Variants in MAPK6 observed in about 807,000 individuals in gnomAD.
MAPK6 encodes the protein mitogen-activated protein kinase 6.
A neutral mutation model predicts 59.3 loss-of-function variants in MAPK6; 19 were observed. That is an observed-to-expected ratio of 0.32 (90% CI 0.22 to 0.47). The LOEUF (loss-of-function observed/expected upper bound fraction) is 0.47, where lower values mean the gene tolerates loss of function less well. MAPK6 is among the 20% of genes least tolerant of loss of function. MAPK6 has a pLI of 1.00. For synonymous variants in MAPK6, 316 were observed against 290.3 expected (o/e 1.09, Z -0.90); for missense variants, 724 against 847.9 (o/e 0.85, Z 1.81).
chr15:52,004,796 C>T (rs1595964480), intron 3 of MAPK6, among the ~76,000 whole-genome samples: 1 of 152,156 alleles, frequency 6.6e-6, no homozygotes, highest in South Asian at 2.1e-4. Context: ...CTAAACACCT[C>T]CAATTAGGCC....
At chr15:51,978,154 A>G (rs1595955773) in intron 1 of MAPK6, among the ~76,000 whole-genome samples, 1 of 150,894 alleles carries the variant, frequency 6.6e-6, no homozygotes, top group African/African-American at 2.4e-5. Context: ...TTTTTTTGTA[A>G]CAGAGTCCTG....
intron 3 of MAPK6, among the ~76,000 whole-genome samples, chr15:52,008,697 T>C (rs2029975997): frequency 6.6e-6 from 1 of 152,152 alleles, no homozygotes; most frequent in Admixed American, 6.5e-5. Context: ...TGGGGTCCTT[T>C]TGCACGCAGG....
intron 1 of MAPK6, among the ~76,000 whole-genome samples, chr15:52,029,372 C>T (rs1282354168): frequency 6.6e-6 from 1 of 152,028 alleles, no homozygotes; most frequent in Non-Finnish European, 1.5e-5. Flanking sequence ...TATTGGCATA[C>T]CTAAGACAGG....
chr15:52,010,524 T>C (rs1479975627), intron 3 of MAPK6, among the ~76,000 whole-genome samples: 1 of 147,834 alleles, frequency 6.8e-6, no homozygotes, highest in Non-Finnish European at 1.5e-5. Context: ...CTTTTTTTTT[T>C]TTTTTTTTTT....
intron 2 of MAPK6, among the ~76,000 whole-genome samples, chr15:52,002,769 G>A (rs928775414): frequency 1.6e-4 from 25 of 152,178 alleles, no homozygotes; most frequent in Non-Finnish European, 2.6e-4. Context: ...CAACAGTTCC[G>A]CATGGCTGGG....
intron 2 of MAPK6, among the ~76,000 whole-genome samples, chr15:51,985,030 G>A (rs374848593): frequency 9.2e-5 from 14 of 152,190 alleles, no homozygotes; most frequent in Non-Finnish European, 1.8e-4. Flanking sequence ...ACTGTTCAAA[G>A]TCATGGGAAG....
chr15:52,032,963 G>T (rs1166756372), intron 1 of MAPK6, among the ~76,000 whole-genome samples: 1 of 152,186 alleles, frequency 6.6e-6, no homozygotes, highest in Non-Finnish European at 1.5e-5. Flanking sequence ...GGGGTTACAG[G>T]CGTGAGCCAC....
intron 2 of MAPK6, among the ~76,000 whole-genome samples, chr15:51,999,614 T>A (rs978628705): frequency 6.6e-6 from 1 of 152,122 alleles, no homozygotes; most frequent in Non-Finnish European, 1.5e-5. Flanking sequence ...GTTTCCTTTT[T>A]ATTTTAGTTT....
intron 1 of MAPK6, among the ~76,000 whole-genome samples, chr15:52,022,971 G>A (rs2030594274): frequency 6.6e-6 from 1 of 151,978 alleles, no homozygotes; most frequent in Non-Finnish European, 1.5e-5. Flanking sequence ...GCTGGGTGTG[G>A]TGGCACGTGC....
At chr15:51,995,335 A>G (rs543819895) in intron 2 of MAPK6, among the ~76,000 whole-genome samples, 1 of 152,294 alleles carries the variant, frequency 6.6e-6, no homozygotes, top group South Asian at 2.1e-4. Context: ...CCAAAAGGGC[A>G]TGAGCTTGGG....
At chr15:52,013,944 C>A (rs779692454) in intron 3 of MAPK6, among the ~76,000 whole-genome samples, 30 of 152,130 alleles carry the variant, frequency 2.0e-4, no homozygotes, top group Non-Finnish European at 3.7e-4. Context: ...AAAGTTTTGG[C>A]CTTGTAATCA....
chr15:52,019,434 C>CGCGGCGGGCCCGGCGGCGGCG (rs2030402955), intron 1 of MAPK6, 58 bp downstream of exon 1: 1 of 145,128 alleles, frequency 6.9e-6, no homozygotes, highest in Non-Finnish European at 1.5e-5. Context: ...GGGAGGGCGC[C>CGCGGCGGGCCCGGCGGCGGCG]GCGGCGGGCC....
intron 5 of MAPK6, among the ~76,000 whole-genome samples, chr15:52,062,067 ATTT>A (rs59641315): frequency 6.5e-5 from 9 of 137,510 alleles, no homozygotes; most frequent in African/African-American, 1.3e-4. Flanking sequence ...TAGATGCAGG[ATTT>A]TTTTTTTTTT....
chr15:52,048,430 CAACATGGTGAA>C (rs2031665404), intron 2 of MAPK6, among the ~76,000 whole-genome samples: 1 of 149,428 alleles, frequency 6.7e-6, no homozygotes, highest in African/African-American at 2.5e-5. Context: ...ACCAGCCTGA[CAACATGGTGAA>C]ACCCTGTCTC....
In MAPK6 at chr15:52,065,900, T is replaced by A. The variant is rs2032404854; in HGVS notation, c.*900T>A. ...TAGGAATTTGTATTTTGGAGGTGCT[T>A]GATCTATCTACAAAGAAAAATTAAT... On this transcript the variant is annotated 3_prime_UTR_variant, in exon 6 of 6. Coordinates refer to ENST00000261845, the MANE Select transcript of MAPK6 (RefSeq NM_002748.4). The A allele has an allele frequency of 6.6e-6, 1 of 152,606 alleles. No individual in the cohort carries two copies. Among genetic ancestry groups the A allele is most frequent in the Non-Finnish European group, 1.5e-5 (1 of 68,028 alleles). The allele number at this position is 152,606 out of a possible 1,614,324, so 9.5% of individuals were successfully genotyped here.
At chr15:52,023,124 A>AC (rs1447482650) in intron 1 of MAPK6, among the ~76,000 whole-genome samples, 2 of 151,322 alleles carry the variant, frequency 1.3e-5, no homozygotes, top group East Asian at 1.9e-4. Flanking sequence ...AAAAAAAAAA[A>AC]AAAACCGAAA....
intron 1 of MAPK6, among the ~76,000 whole-genome samples, chr15:52,024,396 CTTTTTCTT>C (rs1331249021): frequency 1.3e-5 from 2 of 149,252 alleles, no homozygotes; most frequent in Admixed American, 1.3e-4. Context: ...TCTACTTTTT[CTTTTTCTT>C]TTTTTTTTTT....
chr15:51,983,316 G>A lies in MAPK6; in HGVS notation c.-770+1G>A, dbSNP rs1013959553. 6.6e-6 allele frequency among the ~76,000 whole-genome samples: 1 copy of A among 151,726 alleles called. No homozygotes were observed. Among genetic ancestry groups the A allele is most frequent in the Non-Finnish European group, 1.5e-5 (1 of 67,960 alleles). On this transcript the variant is annotated splice_donor_variant, in intron 2 of 7. Coordinates refer to the MAPK6 transcript ENST00000691380. LOFTEE classifies it low-confidence loss of function (5UTR_SPLICE). ...AGCCTGACCAACATGGAGAAACCCCGTATGTACTAAAAATACAAAATTAGC... is the reference window on the plus strand; with the variant it reads ...AGCCTGACCAACATGGAGAAACCCCATATGTACTAAAAATACAAAATTAGC...
At chr15:52,062,764 C>CAAAT (rs982792600) in intron 5 of MAPK6, among the ~76,000 whole-genome samples, 4 of 152,048 alleles carry the variant, frequency 2.6e-5, no homozygotes, top group Non-Finnish European at 5.9e-5. Context: ...GACTCCGTTT[C>CAAAT]AAATAAATAA....
Sources: allele counts gnomAD v4.1 joint callset (sites outside exome capture counted in the v4.1 genomes callset), GRCh38; gene constraint gnomAD v4.1.1; transcripts MANE v1.5; gene names NCBI Gene and HGNC (gene_info 2026-07-23, HGNC 2026-07-21).